Variants in SEC14L5 observed in about 807,000 individuals in gnomAD.
SEC14L5 encodes the protein SEC14 like lipid binding 5.
Under a neutral mutation model 84.6 loss-of-function variants are expected in SEC14L5, and 96 were observed. The ratio of observed to expected loss-of-function variants is 1.13; its 90% CI spans 0.96 to 1.34. The LOEUF is 1.34. Among genes scored for constraint, SEC14L5 ranks in the 40% most tolerant of loss-of-function variants. The probability of loss-of-function intolerance (pLI) is 0.00; values close to 1 mark genes in which losing one functional copy is unlikely to be tolerated. For synonymous variants in SEC14L5, 546 were observed against 383.4 expected, an observed-to-expected ratio of 1.42 and a Z score of -4.95; for missense variants, 1,224 against 942.5, an observed-to-expected ratio of 1.30 and a Z score of -3.91.
chr16:4,996,778 C>T, intron 7 of SEC14L5, 77 bp from the exon 8 acceptor site: 1 of 1,152,806 alleles, frequency 8.7e-7, no homozygotes, highest in Admixed American at 2.4e-5. Flanking sequence ...CACCATGTTG[C>T]CCCGGCTGGT....
In SEC14L5 at chr16:5,016,116, G is replaced by C. The variant is rs1955872524; in HGVS notation, c.*1146G>C. The C allele has an allele frequency of 6.6e-6, 1 of 152,314 alleles. No individual in the cohort carries two copies. 9.4% of individuals were successfully genotyped at this position (152,314 alleles called of 1,614,324 possible). ...CTTGCTTCAGGTAAGGCTAGATCCA[G>C]GGTCTCAACATGGAGTCTCGATTCC... On this transcript the variant is annotated 3_prime_UTR_variant, in exon 16 of 16. Transcript: ENST00000251170.
chr16:4,986,460 T>G (rs2142501300), intron 2 of SEC14L5, among the ~76,000 whole-genome samples: 1 of 152,332 alleles, frequency 6.6e-6, no homozygotes, highest in East Asian at 1.9e-4. Flanking sequence ...TCTTTTAAAG[T>G]AAATCAGGAA....
chr16:4,992,042 A>G lies in SEC14L5; in HGVS notation c.667+12A>G. ...GGTCAGTATGGACGGTAGGTGGTAC[A>G]GCCCAGGCCAGTCAGCCCTAGGAGG... On this transcript the variant is annotated intron_variant, in intron 6 of 15. Transcript: ENST00000251170. 6.5e-7 allele frequency: 1 copy of G among 1,527,376 alleles called. No individual in the cohort carries two copies. Among genetic ancestry groups the G allele is most frequent in the Non-Finnish European group, 8.8e-7 (1 of 1,142,684 alleles). The allele number at this position is 1,527,376 out of a possible 1,614,324, so 94.6% of individuals were successfully genotyped here.
chr16:5,008,755 C>T (rs1955765560), intron 14 of SEC14L5, 107 bp downstream of exon 14: 2 of 974,446 alleles, frequency 2.1e-6, no homozygotes, highest in South Asian at 1.5e-5. Context: ...TGCTGGTCCC[C>T]AGCCTCAGGG....
At chr16:4,970,952 A>T (rs1403181766) in intron 2 of SEC14L5, among the ~76,000 whole-genome samples, 1 of 152,176 alleles carries the variant, frequency 6.6e-6, no homozygotes, top group Admixed American at 6.6e-5. Context: ...TACTAAAAAT[A>T]CAAAAATTAG....
intron 2 of SEC14L5, among the ~76,000 whole-genome samples, chr16:4,966,815 G>T (rs895995442): frequency 1.3e-5 from 2 of 152,192 alleles, no homozygotes; most frequent in African/African-American, 2.4e-5. Flanking sequence ...CTGAGCTGGC[G>T]TCTGGGCCAA....
chr16:4,972,925 T>C (rs900659407), intron 2 of SEC14L5, among the ~76,000 whole-genome samples: 2 of 152,234 alleles, frequency 1.3e-5, no homozygotes, highest in Admixed American at 6.5e-5. Flanking sequence ...ACACTCTTAA[T>C]GGCAGTGCTA....
chr16:4,966,115 G>A (rs1020139625), intron 2 of SEC14L5, among the ~76,000 whole-genome samples: 7 of 151,940 alleles, frequency 4.6e-5, no homozygotes, highest in Admixed American at 6.6e-5. Context: ...CTGAAGTTCC[G>A]CCACCATGCC....
Position 5,003,410 on chromosome 16 carries a change from C to A in SEC14L5, c.1139C>A (p.Thr380Asn), listed in dbSNP as rs760524923. 1 of 1,612,844 alleles carries A rather than the reference C, an allele frequency of 6.2e-7. No homozygotes were observed. Among genetic ancestry groups the A allele is most frequent in the Admixed American group, 1.7e-5 (1 of 59,994 alleles). The change falls in exon 11 of 16, where the codon ACC (threonine) becomes AAC (asparagine). Residue 380 changes from threonine (T) to asparagine (N), a missense_variant. Physicochemically the swap from Thr to Asn is moderately conservative, Grantham distance 65. Coordinates refer to ENST00000251170, the MANE Select transcript of SEC14L5 (RefSeq NM_014692.2). ...GGCTATTTCTGCCACAGCTCCTGGA[C>A]CTGCCTGCTAGACCTGGAGGGACTC... ...RQLGRPISSWTCLLDLEGLNM... is the reference protein window; with the variant it reads ...RQLGRPISSWNCLLDLEGLNM...
In SEC14L5 at chr16:5,016,772, GAA is replaced by G. The variant is rs1955879162; in HGVS notation, c.*1804_*1805del. 6.6e-6 allele frequency: 1 copy of G among 152,246 alleles called. No homozygotes were observed. Among genetic ancestry groups the G allele is most frequent in the Non-Finnish European group, 1.5e-5 (1 of 68,048 alleles). The allele number at this position is 152,246 out of a possible 1,614,324, so 9.4% of individuals were successfully genotyped here. ...CTCAACCCCAAACCCAAGGAAGAGA[GAA>G]AGTGTCATCTTTTCAGATACATCCT... On this transcript the variant is annotated 3_prime_UTR_variant, in exon 16 of 16. Coordinates refer to ENST00000251170, the MANE Select transcript of SEC14L5 (RefSeq NM_014692.2).
At chr16:5,014,824 G>A (rs776268813) in intron 15 of SEC14L5, 35 bp from the exon 16 acceptor site, 5 of 1,533,274 alleles carry the variant, frequency 3.3e-6, no homozygotes, top group Non-Finnish European at 4.5e-6. Flanking sequence ...TTGTCACTGT[G>A]AGAGGGTAAC....
chr16:5,008,060 A>C (rs904092587), intron 13 of SEC14L5, among the ~76,000 whole-genome samples: 1 of 151,768 alleles, frequency 6.6e-6, no homozygotes, highest in Non-Finnish European at 1.5e-5. Flanking sequence ...GGTGCCAGCC[A>C]GCATGCCTGG....
In SEC14L5 at chr16:4,973,048, C is replaced by T. The variant is rs1264895649; in HGVS notation, c.63+13662C>T. Reference sequence around the variant, plus strand: ...ATGTCAGGGGCTGGTGATGCTACTTCAGCAGTTGTGATGTGTGAAGGAATA... The same window carrying T: ...ATGTCAGGGGCTGGTGATGCTACTTTAGCAGTTGTGATGTGTGAAGGAATA... On this transcript the variant is annotated intron_variant, in intron 2 of 15. Coordinates refer to ENST00000251170, the MANE Select transcript of SEC14L5 (RefSeq NM_014692.2). 2.0e-5 allele frequency among the ~76,000 whole-genome samples: 3 copies of T among 152,194 alleles called. No homozygotes were observed. The East Asian group carries it at 5.8e-4, about 29-fold the overall frequency.
chr16:4,962,354 C>T (rs1336037929), intron 2 of SEC14L5, among the ~76,000 whole-genome samples: 1 of 152,034 alleles, frequency 6.6e-6, no homozygotes, highest in African/African-American at 2.4e-5. Flanking sequence ...TCTCTAGGTA[C>T]TGACACCTGT....
At chr16:4,962,255 T>C (rs967639195) in intron 2 of SEC14L5, among the ~76,000 whole-genome samples, 7 of 152,014 alleles carry the variant, frequency 4.6e-5, no homozygotes, top group African/African-American at 1.7e-4. Context: ...TGTACTCGCA[T>C]TGCCTGTATT....
rs753615472 is a variant in SEC14L5 at position 4,996,811 on chromosome 16, CA to C, written c.781-43del. The C allele has an allele frequency of 6.1e-6, 9 of 1,478,566 alleles. No homozygotes were observed. The South Asian group carries it at 9.8e-5, about 16-fold the overall frequency. The allele number at this position is 1,478,566 out of a possible 1,614,324, so 91.6% of individuals were successfully genotyped here. A position where few individuals can be genotyped will look rare whatever the true frequency, so the allele number is the denominator to read the frequency against. ...GGTTCTGTAATTTTATCTGCTGGGT[CA>C]GGGGATACCGTTCTGTGGGCTTTTT... On this transcript the variant is annotated intron_variant, in intron 7 of 15. Transcript: ENST00000251170.
intron 2 of SEC14L5, among the ~76,000 whole-genome samples, chr16:4,964,742 T>C (rs1002697413): frequency 7.3e-5 from 11 of 151,410 alleles, no homozygotes; most frequent in Non-Finnish European, 1.3e-4. Flanking sequence ...CACCTCTTCT[T>C]CTTTTTTCGA....
intron 2 of SEC14L5, among the ~76,000 whole-genome samples, chr16:4,964,275 T>C (rs1180659726): frequency 6.6e-6 from 1 of 151,972 alleles, no homozygotes; most frequent in African/African-American, 2.4e-5. Context: ...AGGTTATTTG[T>C]CTCTTTTCTC....
In SEC14L5 at chr16:5,006,926, C is replaced by T. The variant is rs372824710; in HGVS notation, c.1438-426C>T. On this transcript the variant is annotated intron_variant, in intron 12 of 15. Transcript: ENST00000251170. ...GTGCCTTTGGTTTGGGGAAATCTCTCGATGAGCACGGTGCAGTGACTGTTC... is the reference window on the plus strand; with the variant it reads ...GTGCCTTTGGTTTGGGGAAATCTCTTGATGAGCACGGTGCAGTGACTGTTC... 4.6e-5 allele frequency among the ~76,000 whole-genome samples: 7 copies of T among 151,934 alleles called. No individual in the cohort carries two copies. The South Asian group carries it at 1.2e-3, about 27-fold the overall frequency.
Sources: gnomAD v4.1 joint callset for allele counts (sites outside exome capture counted in the v4.1 genomes callset) on GRCh38, gnomAD v4.1.1 for gene constraint, MANE v1.5 for transcripts, NCBI Gene and HGNC (gene_info 2026-07-23, HGNC 2026-07-21) for gene names.